HTR4: variants seen among roughly 807,000 people sequenced by gnomAD.
HTR4 encodes the protein 5-hydroxytryptamine receptor 4.
In HTR4, 16 loss-of-function variants were observed where a neutral mutation model predicts 36.8. The ratio of observed to expected loss-of-function variants is 0.43; its 90% confidence interval spans 0.29 to 0.66. The LOEUF (loss-of-function observed/expected upper bound fraction) is 0.66. Among genes scored for constraint, HTR4 ranks in the 30% least tolerant of loss-of-function variants. The pLI is 0.13. For missense variants in HTR4, 438 were observed against 490.9 expected (o/e 0.89, Z 1.02); for synonymous variants, 189 against 185.1 (o/e 1.02, Z -0.17).
At chr5:148,513,400 CT>C (rs1757588309) in intron 5 of HTR4, among the ~76,000 whole-genome samples, 1 of 152,174 alleles carries the variant, frequency 6.6e-6, no homozygotes, top group African/African-American at 2.4e-5. Context: ...AAAGGATTAT[CT>C]TTTCCTAGTT....
chr5:148,629,513 A>C (rs1274615490), intron 2 of HTR4: 5 of 152,208 alleles, frequency 3.3e-5, no homozygotes, highest in Admixed American at 6.5e-5. Context: ...CTCATTTAGC[A>C]GGCTGTAATT....
In HTR4 at chr5:148,600,219, A is replaced by T. The variant is rs574980631; in HGVS notation, c.26+36770T>A. On this transcript the variant is annotated intron_variant, in intron 2 of 6. Transcript: ENST00000377888. The stretch of plus-strand genomic sequence containing the variant: ...AAGTGTGTGCTGCTTTAATAAAGTT[A>T]GTTTAAATATAAGGACAAATAAAAT... 1.7e-4 allele frequency among the ~76,000 whole-genome samples: 26 copies of T among 149,544 alleles called. 1 individual carries two copies. The South Asian group carries it at 5.4e-3, about 31-fold the overall frequency.
chr5:148,477,771 T>C (rs1459241657), downstream of HTR4, among the ~76,000 whole-genome samples: 3 of 152,218 alleles, frequency 2.0e-5, no homozygotes, highest in Non-Finnish European at 2.9e-5. Flanking sequence ...CACTTTTTTT[T>C]CGCATTAATT....
chr5:148,574,526 C>T (rs912133417), intron 2 of HTR4, among the ~76,000 whole-genome samples: 3 of 151,996 alleles, frequency 2.0e-5, no homozygotes, highest in Non-Finnish European at 4.4e-5. Context: ...GTTAGAATTA[C>T]TATTATAAAT....
At position 148,561,603 on chromosome 5, in the gene HTR4, G is replaced by A. The variant is rs574489335; in HGVS notation, c.27-11341C>T. On this transcript the variant is annotated intron_variant, in intron 2 of 6. Coordinates refer to ENST00000377888, the MANE Select transcript of HTR4 (RefSeq NM_000870.7). ...TTTCTTTATATGTGCACAGTCTAGC[G>A]TCTCTGGTTTGTGTTGAAAACATTT... is the stretch of plus-strand genomic sequence containing the variant. Among the ~76,000 whole-genome samples the A allele has an allele frequency of 9.2e-5, 14 of 151,792 alleles. No homozygotes were observed. In the South Asian group the frequency reaches 1.9e-3, roughly 20 times the overall value.
In HTR4 at chr5:148,548,662, C is replaced by T. The variant is rs2278392; in HGVS notation, c.353+6G>A. The T allele has an allele frequency of 0.13, 199,006 of 1,591,338 alleles. 16,787 individuals are homozygous for T. The highest frequency in any genetic ancestry group is 0.4 in the African/African-American group (29,328 of 74,082). The stretch of plus-strand genomic sequence containing the variant: ...AGCTCCGCTATGCACATTGTTCTGT[C>T]CTTACCTATCCAGAGAAATGCAGCA... On this transcript the variant is annotated splice_donor_region_variant and intron_variant, in intron 4 of 6. Coordinates refer to ENST00000377888, the MANE Select transcript of HTR4 (RefSeq NM_000870.7).
intron 4 of HTR4, among the ~76,000 whole-genome samples, chr5:148,527,099 C>G (rs920924750): frequency 1.3e-5 from 2 of 152,142 alleles, no homozygotes; most frequent in Non-Finnish European, 2.9e-5. Context: ...CTGATTTGAT[C>G]ACTACACATT....
chr5:148,492,861 T>C (rs1393385064), intron 6 of HTR4, among the ~76,000 whole-genome samples: 1 of 152,232 alleles, frequency 6.6e-6, no homozygotes, highest in Non-Finnish European at 1.5e-5. Context: ...CCTGCAGCCA[T>C]GGCACTGTGC....
At chr5:148,537,590 G>C (rs1581442284) in intron 4 of HTR4, among the ~76,000 whole-genome samples, 1 of 151,978 alleles carries the variant, frequency 6.6e-6, no homozygotes, top group East Asian at 1.9e-4. Context: ...AAACTAATCA[G>C]AAACTACTAT....
intron 2 of HTR4, 120 bp from the exon 3 acceptor site, chr5:148,550,382 A>G (rs1273781273): frequency 5.4e-6 from 6 of 1,117,668 alleles, no homozygotes; most frequent in Middle Eastern, 2.0e-4. Flanking sequence ...TGACACATAT[A>G]TTTATCATGC....
intron 2 of HTR4, among the ~76,000 whole-genome samples, chr5:148,582,505 A>C (rs1161315761): frequency 6.6e-6 from 1 of 151,828 alleles, no homozygotes; most frequent in African/African-American, 2.4e-5. Context: ...TGCCATCTTC[A>C]TGTCCACAAG....
intron 5 of HTR4, among the ~76,000 whole-genome samples, chr5:148,521,234 GA>G (rs1413677675): frequency 1.3e-5 from 2 of 152,168 alleles, no homozygotes; most frequent in Admixed American, 6.5e-5. Flanking sequence ...TTAGTATCTA[GA>G]CAGAATGAGA....
intron 2 of HTR4, among the ~76,000 whole-genome samples, chr5:148,562,273 T>C (rs1760248476): frequency 1.3e-5 from 2 of 152,156 alleles, no homozygotes; most frequent in South Asian, 4.1e-4. Context: ...TGACCCTTTA[T>C]GAAAAAGTGT....
At chr5:148,560,459 A>G (rs1760155707) in intron 2 of HTR4, among the ~76,000 whole-genome samples, 1 of 152,182 alleles carries the variant, frequency 6.6e-6, no homozygotes, top group Non-Finnish European at 1.5e-5. Context: ...TCTTGGGACC[A>G]TACTTTGAGG....
At chr5:148,499,454 A>G (rs1756837053) in intron 6 of HTR4, among the ~76,000 whole-genome samples, 1 of 152,038 alleles carries the variant, frequency 6.6e-6, no homozygotes, top group Admixed American at 6.5e-5. Flanking sequence ...TATGATTTAT[A>G]TTTTGCCCCC....
At chr5:148,631,649 T>A in intron 2 of HTR4, among the ~76,000 whole-genome samples, 1 of 152,286 alleles carries the variant, frequency 6.6e-6, no homozygotes, top group South Asian at 2.1e-4. Context: ...AATCAACTTT[T>A]CTGTTTAAAA....
Position 148,614,158 on chromosome 5 carries a change from C to T in HTR4, c.26+22831G>A, listed in dbSNP as rs1352628545. Among the ~76,000 whole-genome samples, 15 of 152,292 alleles carry T rather than the reference C, an allele frequency of 9.8e-5. No homozygotes were observed. In the East Asian group the frequency reaches 2.1e-3, roughly 22 times the overall value. ...TCCCCATCAAGCTACCAATGCCTTT[C>T]TTCACAGAATTGGAAAAAACTACTT... On this transcript the variant is annotated intron_variant, in intron 2 of 6. Coordinates refer to ENST00000377888, the MANE Select transcript of HTR4 (RefSeq NM_000870.7).
chr5:148,601,159 C>A (rs960332007), intron 2 of HTR4, among the ~76,000 whole-genome samples: 11 of 151,628 alleles, frequency 7.3e-5, no homozygotes. Flanking sequence ...CCTCACATCA[C>A]AGAATTGCTA....
chr5:148,503,828 G>A (rs1243415478), intron 6 of HTR4, among the ~76,000 whole-genome samples: 2 of 151,962 alleles, frequency 1.3e-5, no homozygotes, highest in African/African-American at 4.8e-5. Flanking sequence ...ACAAAAAAAA[G>A]GCAGGGCTTG....
Sources: allele counts gnomAD v4.1 joint callset (sites outside exome capture counted in the v4.1 genomes callset), GRCh38; gene constraint gnomAD v4.1.1; transcripts MANE v1.5; gene names NCBI Gene and HGNC (gene_info 2026-07-23, HGNC 2026-07-21).